The following PTPRD variants were observed in gnomAD, a reference collection of about 807,000 sequenced individuals.
PTPRD encodes protein tyrosine phosphatase receptor type D.
Under a neutral mutation model 214.5 loss-of-function variants are expected in PTPRD, and 34 were observed. The ratio of observed to expected loss-of-function variants is 0.16; its 90% CI spans 0.12 to 0.21. PTPRD has a LOEUF of 0.21. PTPRD is among the 10% of genes least tolerant of loss of function. The pLI is 1.00. For missense variants in PTPRD, 2,545 were observed against 2,398.7 expected, an observed-to-expected ratio of 1.06 and a Z score of -1.27; for synonymous variants, 1,128 against 845.7, an observed-to-expected ratio of 1.33 and a Z score of -5.79.
intron 2 of PTPRD, among the ~76,000 whole-genome samples, chr9:10,414,544 G>C (rs2098469053): frequency 6.6e-6 from 1 of 151,900 alleles, no homozygotes; most frequent in East Asian, 2.0e-4. Flanking sequence ...TCCTCCAAGA[G>C]CTAAAAACAG....
chr9:10,414,929 AG>A (rs2098472717), intron 2 of PTPRD, among the ~76,000 whole-genome samples: 2 of 151,760 alleles, frequency 1.3e-5, no homozygotes, highest in African/African-American at 4.8e-5. Flanking sequence ...GGTCTACTTG[AG>A]GGTGAAGGAT....
At chr9:10,013,607 A>T (rs2096644126) in intron 4 of PTPRD, among the ~76,000 whole-genome samples, 1 of 151,868 alleles carries the variant, frequency 6.6e-6, no homozygotes, top group South Asian at 2.1e-4. Flanking sequence ...TTCAACACAG[A>T]TAAGTAATTG....
At chr9:9,363,670 G>C (rs942081859) in intron 9 of PTPRD, among the ~76,000 whole-genome samples, 2 of 151,074 alleles carry the variant, frequency 1.3e-5, no homozygotes, top group African/African-American at 4.9e-5. Flanking sequence ...CAGTGTGTGG[G>C]GCCTGAAGCT....
At chr9:9,788,559 A>AG (rs1241248272) in intron 5 of PTPRD, among the ~76,000 whole-genome samples, 1 of 151,230 alleles carries the variant, frequency 6.6e-6, no homozygotes, top group Non-Finnish European at 1.5e-5. Context: ...CTCAAAAAAA[A>AG]AAAAAAGAAA....
At chr9:8,830,537 A>C (rs2154529452) in intron 11 of PTPRD, among the ~76,000 whole-genome samples, 1 of 152,240 alleles carries the variant, frequency 6.6e-6, no homozygotes, top group South Asian at 2.1e-4. Context: ...AGCACAATTA[A>C]GTGCTCTGTG....
At chr9:9,040,165 T>C (rs933733138) in intron 10 of PTPRD, among the ~76,000 whole-genome samples, 1 of 152,150 alleles carries the variant, frequency 6.6e-6, no homozygotes, top group Non-Finnish European at 1.5e-5. Context: ...GCTATGAAAC[T>C]CAAGTTTATG....
intron 36 of PTPRD, among the ~76,000 whole-genome samples, chr9:8,390,279 G>A (rs1029334131): frequency 2.6e-5 from 4 of 152,078 alleles, no homozygotes; most frequent in Non-Finnish European, 4.4e-5. Context: ...CGCTTACAAA[G>A]CTCTGCAACT....
intron 2 of PTPRD, among the ~76,000 whole-genome samples, chr9:10,575,445 TAAAGTAGA>T (rs1325186698): frequency 6.6e-6 from 1 of 152,164 alleles, no homozygotes; most frequent in African/African-American, 2.4e-5. Flanking sequence ...AGTCATGATC[TAAAGTAGA>T]AAAGCAGTTG....
At chr9:10,294,197 G>A (rs778038866) in intron 3 of PTPRD, among the ~76,000 whole-genome samples, 1 of 151,872 alleles carries the variant, frequency 6.6e-6, no homozygotes, top group Non-Finnish European at 1.5e-5. Context: ...AATTTCCCAA[G>A]TTTATTGATA....
intron 9 of PTPRD, among the ~76,000 whole-genome samples, chr9:9,310,788 A>C (rs547323105): frequency 5.9e-5 from 9 of 151,916 alleles, no homozygotes; most frequent in African/African-American, 1.9e-4. Context: ...CATGGTGGCA[A>C]ATGCCTGTAA....
intron 8 of PTPRD, among the ~76,000 whole-genome samples, chr9:9,427,522 A>T (rs556336176): frequency 7.3e-6 from 1 of 136,242 alleles, no homozygotes; most frequent in East Asian, 2.0e-4. Context: ...TACCCAACCT[A>T]GCAAGGCAGG....
chr9:8,846,594 C>T (rs979924866), intron 11 of PTPRD, among the ~76,000 whole-genome samples: 6 of 152,166 alleles, frequency 3.9e-5, no homozygotes, highest in African/African-American at 1.4e-4. Flanking sequence ...AGAAAAAAAT[C>T]AGGCAAAAAT....
chr9:8,906,313 G>A (rs1305323416), intron 11 of PTPRD, among the ~76,000 whole-genome samples: 1 of 152,086 alleles, frequency 6.6e-6, no homozygotes, highest in Non-Finnish European at 1.5e-5. Context: ...ACTCTACCTT[G>A]TTCCAAATTC....
chr9:10,135,334 A>G (rs938396880), intron 3 of PTPRD, among the ~76,000 whole-genome samples: 4 of 152,142 alleles, frequency 2.6e-5, no homozygotes, highest in African/African-American at 9.7e-5. Context: ...AGTTTTCCCA[A>G]TCTCATTAGA....
chr9:9,330,470 C>T lies in PTPRD; in HGVS notation c.-203+66979G>A, dbSNP rs530724285. On this transcript the variant is annotated intron_variant, in intron 9 of 45. Coordinates refer to ENST00000381196, the MANE Select transcript of PTPRD (RefSeq NM_002839.4). Reference sequence around the variant, plus strand: ...TATAATTGAAATTATGACTTCCCATCGAGCAATTTTAATGTATGGCCACAT... The same window carrying T: ...TATAATTGAAATTATGACTTCCCATTGAGCAATTTTAATGTATGGCCACAT... 1.1e-4 allele frequency among the ~76,000 whole-genome samples: 17 copies of T among 152,002 alleles called. No homozygotes were observed. The South Asian group carries it at 3.3e-3, about 30-fold the overall frequency.
chr9:9,149,721 A>C (rs2099874861), intron 10 of PTPRD, among the ~76,000 whole-genome samples: 1 of 152,198 alleles, frequency 6.6e-6, no homozygotes, highest in Non-Finnish European at 1.5e-5. Context: ...AAACATAGTC[A>C]ATAAAGGCAT....
At chr9:9,504,950 C>T (rs371814609) in intron 8 of PTPRD, among the ~76,000 whole-genome samples, 3 of 151,572 alleles carry the variant, frequency 2.0e-5, no homozygotes, top group East Asian at 1.9e-4. Flanking sequence ...GCTAAGAAGG[C>T]ATCATTCTTG....
chr9:9,196,723 A>C lies in PTPRD; in HGVS notation c.-202-13360T>G, dbSNP rs560330461. Among the ~76,000 whole-genome samples, 3 of 152,306 alleles carry C rather than the reference A, an allele frequency of 2.0e-5. No individual in the cohort carries two copies. The East Asian group carries it at 5.8e-4, about 29-fold the overall frequency. The stretch of plus-strand genomic sequence containing the variant: ...ATTTCCTGTCTTGTAATATGTATGC[A>C]ATACATAAATATCCACAATTTTTCT... On this transcript the variant is annotated intron_variant, in intron 9 of 45. Transcript: ENST00000381196.
intron 11 of PTPRD, among the ~76,000 whole-genome samples, chr9:8,889,697 G>C (rs1011023486): frequency 7.6e-6 from 1 of 131,854 alleles, no homozygotes; most frequent in African/African-American, 2.8e-5. Flanking sequence ...CTACTTAAAA[G>C]TGAGAACATA....
Sources: allele counts gnomAD v4.1 joint callset (sites outside exome capture counted in the v4.1 genomes callset), GRCh38; gene constraint gnomAD v4.1.1; transcripts MANE v1.5; gene names NCBI Gene and HGNC (gene_info 2026-07-23, HGNC 2026-07-21).